UNC79: variants seen among roughly 807,000 people sequenced by gnomAD.
UNC79 encodes unc-79 subunit of NALCN channel complex.
Under a neutral mutation model 283.1 loss-of-function variants are expected in UNC79, and 37 were observed. The ratio of observed to expected loss-of-function variants is 0.13; its 90% CI spans 0.10 to 0.17. The LOEUF (loss-of-function observed/expected upper bound fraction) is 0.17. Among genes scored for constraint, UNC79 ranks in the 10% least tolerant of loss-of-function variants. The probability of loss-of-function intolerance (pLI) is 1.00; values close to 1 mark genes in which losing one functional copy is unlikely to be tolerated. For missense variants in UNC79, 2,272 were observed against 3,211.1 expected, an observed-to-expected ratio of 0.71 and a Z score of 7.07; for synonymous variants, 1,107 against 1,200.2, an observed-to-expected ratio of 0.92 and a Z score of 1.61.
chr14:93,506,909 AC>A (rs1359614127), intron 7 of UNC79, among the ~76,000 whole-genome samples: 1 of 152,144 alleles, frequency 6.6e-6, no homozygotes, highest in Non-Finnish European at 1.5e-5. Flanking sequence ...TTTTCCAAAC[AC>A]CATCCCCTTC....
chr14:93,356,332 C>T (rs1233586617), intron 1 of UNC79, among the ~76,000 whole-genome samples: 1 of 152,188 alleles, frequency 6.6e-6, no homozygotes. Flanking sequence ...CCAGCCACTT[C>T]TATTTCACTC....
chr14:93,582,108 C>T, intron 19 of UNC79, 95 bp from the exon 20 acceptor site: 2 of 1,592,232 alleles, frequency 1.3e-6, no homozygotes, highest in South Asian at 1.1e-5. Flanking sequence ...ACCCGAGACA[C>T]AGCAGGTGTG....
At chr14:93,703,439 C>T (rs1258833944) in intron 47 of UNC79, among the ~76,000 whole-genome samples, 2 of 152,126 alleles carry the variant, frequency 1.3e-5, no homozygotes, top group African/African-American at 4.8e-5. Context: ...AGGTCCCTGT[C>T]TTCATCTTCA....
chr14:93,658,209 A>C (rs1596269197), intron 38 of UNC79, among the ~76,000 whole-genome samples: 1 of 152,320 alleles, frequency 6.6e-6, no homozygotes, highest in South Asian at 2.1e-4. Flanking sequence ...GGAAAATAAT[A>C]AGCCACTGAA....
chr14:93,346,857 T>C (rs1424934602), intron 1 of UNC79, among the ~76,000 whole-genome samples: 1 of 151,450 alleles, frequency 6.6e-6, no homozygotes, highest in Non-Finnish European at 1.5e-5. Flanking sequence ...TAGGAGAGGA[T>C]AGGACACGTG....
At position 93,618,175 on chromosome 14, in the gene UNC79, C is replaced by G. The variant is rs937006901; in HGVS notation, c.4225-17C>G. On this transcript the variant is annotated splice_polypyrimidine_tract_variant and intron_variant, in intron 28 of 48. Transcript: ENST00000555664. ...AAAATAACCATTTATCTTTTTCTCT[C>G]TCGTTTCATTGGGCAGTATCCATAC... 5.6e-6 allele frequency: 9 copies of G among 1,597,528 alleles called. No homozygotes were observed. The highest frequency in any genetic ancestry group is 7.7e-6 in the Non-Finnish European group (9 of 1,173,172).
At position 93,404,493 on chromosome 14, in the gene UNC79, AAT is replaced by A. The variant is rs1445930733; in HGVS notation, c.-350-63158_-350-63157del. 1.7e-3 allele frequency among the ~76,000 whole-genome samples: 106 copies of A among 61,494 alleles called. 7 individuals carry two copies. The highest frequency in any genetic ancestry group is 2.9e-3 in the Non-Finnish European group (89 of 31,166). The allele number at this position is 61,494 out of a possible 152,430, so 40.3% of individuals were successfully genotyped here. On this transcript the variant is annotated intron_variant, in intron 1 of 49. Coordinates refer to the UNC79 transcript ENST00000256339. ...TGACAGAGTGAGACCTTCTAAAAAA[AAT>A]ATATATATATATATATATAAATATA... is the stretch of plus-strand genomic sequence containing the variant.
intron 1 of UNC79, among the ~76,000 whole-genome samples, chr14:93,407,624 A>G (rs1411605673): frequency 6.6e-6 from 1 of 152,170 alleles, no homozygotes; most frequent in Non-Finnish European, 1.5e-5. Context: ...GGGCAATCAG[A>G]TCATTGGAGT....
rs1029529393 is a variant in UNC79 at position 93,660,433 on chromosome 14, T to A, written c.6525+1172T>A. ...TTTCCATATAGGCTTGAATTCAGGC[T>A]TCTCTTTTTGACCAATAAGGATACA... On this transcript the variant is annotated intron_variant, in intron 39 of 48. Coordinates refer to ENST00000555664, the Ensembl canonical transcript of UNC79. Among the ~76,000 whole-genome samples, 48 of 150,054 alleles carry A rather than the reference T, an allele frequency of 3.2e-4. 1 individual carries two copies. Among genetic ancestry groups the A allele is most frequent in the Non-Finnish European group, 1.2e-4 (8 of 67,656 alleles).
chr14:93,590,584 G>A (rs1310679026), intron 22 of UNC79, among the ~76,000 whole-genome samples: 1 of 152,170 alleles, frequency 6.6e-6, no homozygotes. Flanking sequence ...GACTGTTAGT[G>A]CCATGGGACT....
At chr14:93,534,732 A>G (rs542796453) in intron 11 of UNC79, among the ~76,000 whole-genome samples, 1 of 152,250 alleles carries the variant, frequency 6.6e-6, no homozygotes, top group African/African-American at 2.4e-5. Flanking sequence ...AAACAGTTCT[A>G]TTTTCTAAAT....
At chr14:93,589,323 G>A (rs749223910) in intron 22 of UNC79, among the ~76,000 whole-genome samples, 1 of 152,094 alleles carries the variant, frequency 6.6e-6, no homozygotes, top group Non-Finnish European at 1.5e-5. Context: ...GTGATGAAAC[G>A]GTTGTCTCTG....
chr14:93,598,327 T>C (rs1000463301), intron 24 of UNC79, among the ~76,000 whole-genome samples: 3 of 151,988 alleles, frequency 2.0e-5, no homozygotes, highest in African/African-American at 7.3e-5. Context: ...TTTGTTCATA[T>C]GCTGATATTA....
At chr14:93,586,266 A>T (rs1280430422) in intron 20 of UNC79, among the ~76,000 whole-genome samples, 1 of 152,246 alleles carries the variant, frequency 6.6e-6, no homozygotes, top group Non-Finnish European at 1.5e-5. Flanking sequence ...AGGGAGCAGC[A>T]GAACTAACAG....
At chr14:93,475,801 C>T (rs972881823) in intron 3 of UNC79, among the ~76,000 whole-genome samples, 18 of 152,132 alleles carry the variant, frequency 1.2e-4, no homozygotes, top group Non-Finnish European at 7.3e-5. Context: ...TGGTAAATTG[C>T]AATCTGTGTA....
At chr14:93,590,152 C>T (rs1216858308) in intron 22 of UNC79, among the ~76,000 whole-genome samples, 1 of 152,152 alleles carries the variant, frequency 6.6e-6, no homozygotes, top group African/African-American at 2.4e-5. Context: ...ATATTTAGGA[C>T]CCGCTCTATC....
At chr14:93,636,186 C>G (rs2068494056) in intron 31 of UNC79, among the ~76,000 whole-genome samples, 1 of 152,100 alleles carries the variant, frequency 6.6e-6, no homozygotes, top group Non-Finnish European at 1.5e-5. Flanking sequence ...GCCAAATAAC[C>G]CATTTAACGG....
At chr14:93,417,841 C>T (rs147627963) in intron 1 of UNC79, among the ~76,000 whole-genome samples, 8 of 151,912 alleles carry the variant, frequency 5.3e-5, no homozygotes, top group Non-Finnish European at 7.4e-5. Flanking sequence ...CCATTCTTCA[C>T]GTAGTTCTCG....
chr14:93,457,542 G>A (rs2056830737), intron 1 of UNC79, among the ~76,000 whole-genome samples: 1 of 152,212 alleles, frequency 6.6e-6, no homozygotes, highest in African/African-American at 2.4e-5. Flanking sequence ...TCATGAGTTA[G>A]AGTTTTTGCA....
Sources: allele counts gnomAD v4.1 joint callset (sites outside exome capture counted in the v4.1 genomes callset), GRCh38; gene constraint gnomAD v4.1.1; transcripts MANE v1.5; gene names NCBI Gene and HGNC (gene_info 2026-07-23, HGNC 2026-07-21).